Variants in TTC7A observed in about 807,000 individuals in gnomAD.
The protein encoded by TTC7A is tetratricopeptide repeat protein 7A.
In TTC7A, 110 loss-of-function variants were observed where a neutral mutation model predicts 103.7. The ratio of observed to expected loss-of-function variants is 1.06; its 90% CI spans 0.91 to 1.24. The LOEUF is 1.24. TTC7A is among the 50% of genes most tolerant of loss of function. TTC7A has a pLI of 0.00. For missense variants in TTC7A, 1,340 were observed against 1,116.3 expected (o/e 1.20, Z -2.86); for synonymous variants, 521 against 467.9 (o/e 1.11, Z -1.47).
intron 18 of TTC7A, among the ~76,000 whole-genome samples, chr2:47,053,543 T>TTTGTTTGTTTGTTTGGTTGG (rs66907808): frequency 7.1e-6 from 1 of 140,136 alleles, no homozygotes; most frequent in Non-Finnish European, 1.5e-5. Flanking sequence ...TGTTTGTTTG[T>TTTGTTTGTTTGTTTGGTTGG]TTGGTTGGTT....
At chr2:47,003,658 G>T (rs745407951) in intron 8 of TTC7A, among the ~76,000 whole-genome samples, 144 of 152,318 alleles carry the variant, frequency 9.5e-4, no homozygotes, top group Non-Finnish European at 7.1e-4. Flanking sequence ...CCTGCAGACT[G>T]CCTGGCTCCA....
At chr2:47,028,523 C>G (rs1002859796) in intron 14 of TTC7A, among the ~76,000 whole-genome samples, 2 of 152,148 alleles carry the variant, frequency 1.3e-5, no homozygotes, top group Non-Finnish European at 2.9e-5. Flanking sequence ...AGAAGGGAGG[C>G]AGCAAACTCA....
intron 3 of TTC7A, among the ~76,000 whole-genome samples, chr2:46,960,606 A>C (rs932832463): frequency 2.0e-5 from 3 of 152,340 alleles, no homozygotes; most frequent in Admixed American, 1.3e-4. Context: ...ATGTACACGC[A>C]CATTACCGTT....
At chr2:46,922,060 G>T (rs1572634569) in intron 2 of TTC7A, among the ~76,000 whole-genome samples, 1 of 152,298 alleles carries the variant, frequency 6.6e-6, no homozygotes, top group East Asian at 1.9e-4. Flanking sequence ...TTTTATATTT[G>T]AGTGGAGGAA....
At chr2:46,925,091 T>C (rs190033927) in intron 2 of TTC7A, among the ~76,000 whole-genome samples, 115 of 152,370 alleles carry the variant, frequency 7.5e-4, no homozygotes, top group African/African-American at 2.6e-3. Context: ...ACAGATCTGT[T>C]TGTTGCACTG....
Position 47,021,868 on chromosome 2 carries a change from G to A in TTC7A, c.1399G>A (p.Glu467Lys), listed in dbSNP as rs1454172541. ...VCIGSLRWLE[E>K]AEHFAMMVIS... Reference sequence around the variant, plus strand: ...CTGTCTCTCCTCTTTGCAGCTAGAGGAAGCAGAGCACTTTGCCATGATGGT... The same window carrying A: ...CTGTCTCTCCTCTTTGCAGCTAGAGAAAGCAGAGCACTTTGCCATGATGGT... The change falls in exon 12 of 20, where the codon GAA becomes AAA. Residue 467 changes from glutamate to lysine, a missense_variant. Transcript: ENST00000319190. The A allele has an allele frequency of 6.2e-7, 1 of 1,614,096 alleles. No individual in the cohort carries two copies. The highest frequency in any genetic ancestry group is 8.5e-7 in the Non-Finnish European group (1 of 1,179,920).
chr2:46,954,450 A>AT, intron 2 of TTC7A, among the ~76,000 whole-genome samples: 1 of 152,298 alleles, frequency 6.6e-6, no homozygotes, highest in African/African-American at 2.4e-5. Flanking sequence ...AAGTAAGGAC[A>AT]TTAAGAAGCA....
chr2:47,049,353 C>T (rs937953226), intron 16 of TTC7A, among the ~76,000 whole-genome samples: 9 of 152,030 alleles, frequency 5.9e-5, no homozygotes, highest in African/African-American at 2.2e-4. Flanking sequence ...AACCCCTCCC[C>T]CCCGCCAGCA....
At chr2:46,956,107 C>T (rs1185488187) in intron 2 of TTC7A, among the ~76,000 whole-genome samples, 1 of 152,226 alleles carries the variant, frequency 6.6e-6, no homozygotes, top group Non-Finnish European at 1.5e-5. Context: ...GTGATCATGG[C>T]TGACAAGACC....
chr2:46,945,043 T>C (rs1314779497), intron 1 of TTC7A, among the ~76,000 whole-genome samples: 1 of 152,236 alleles, frequency 6.6e-6, no homozygotes, highest in African/African-American at 2.4e-5. Flanking sequence ...CAAAAAAATT[T>C]GCAGTGAACA....
chr2:47,026,094 G>A (rs1052759755), intron 14 of TTC7A, among the ~76,000 whole-genome samples: 1 of 152,204 alleles, frequency 6.6e-6, no homozygotes, highest in African/African-American at 2.4e-5. Flanking sequence ...AGTTTCCTTG[G>A]AGACCTCATT....
At chr2:46,974,214 T>C (rs904442011) in intron 3 of TTC7A, among the ~76,000 whole-genome samples, 11 of 152,356 alleles carry the variant, frequency 7.2e-5, no homozygotes, top group South Asian at 2.1e-4. Flanking sequence ...GGCTCCTGCC[T>C]TTAAAGATAA....
At chr2:46,984,413 G>A (rs368160080) in intron 5 of TTC7A, among the ~76,000 whole-genome samples, 1 of 152,226 alleles carries the variant, frequency 6.6e-6, no homozygotes, top group African/African-American at 2.4e-5. Flanking sequence ...TGCCCCTCTA[G>A]TTGGCTTTCT....
intron 5 of TTC7A, among the ~76,000 whole-genome samples, chr2:46,985,535 C>A (rs1408656846): frequency 6.6e-6 from 1 of 152,174 alleles, no homozygotes; most frequent in South Asian, 2.1e-4. Context: ...AACTTCATGC[C>A]AGGTAGAATG....
chr2:47,045,032 G>A (rs556666444), intron 15 of TTC7A, among the ~76,000 whole-genome samples: 1 of 152,338 alleles, frequency 6.6e-6, no homozygotes, highest in East Asian at 1.9e-4. Flanking sequence ...CTACCCTCAG[G>A]TGGGCTGGTA....
chr2:46,918,175 C>T (rs1422351835), intron 2 of TTC7A, among the ~76,000 whole-genome samples: 6 of 152,152 alleles, frequency 3.9e-5, no homozygotes, highest in Non-Finnish European at 8.8e-5. Context: ...TTGATTTTCA[C>T]CCCCAAACCT....
intron 2 of TTC7A, among the ~76,000 whole-genome samples, chr2:46,936,218 G>A (rs567488722): frequency 1.3e-5 from 2 of 152,200 alleles, no homozygotes; most frequent in Admixed American, 6.5e-5. Context: ...TTTCCCCCTT[G>A]TGGATATCTG....
chr2:46,955,867 T>A (rs1473401665), intron 2 of TTC7A, among the ~76,000 whole-genome samples: 2 of 152,176 alleles, frequency 1.3e-5, no homozygotes, highest in South Asian at 4.1e-4. Context: ...ATGGACAGAT[T>A]GGTGCCTGTG....
chr2:46,919,096 C>T (rs778819397), intron 2 of TTC7A, among the ~76,000 whole-genome samples: 1 of 152,140 alleles, frequency 6.6e-6, no homozygotes, highest in Non-Finnish European at 1.5e-5. Flanking sequence ...CAATGTTTTA[C>T]CTATGTAGGG....
Sources: gnomAD v4.1 joint callset for allele counts (sites outside exome capture counted in the v4.1 genomes callset) on GRCh38, gnomAD v4.1.1 for gene constraint, MANE v1.5 for transcripts, NCBI Gene and HGNC (gene_info 2026-07-23, HGNC 2026-07-21) for gene names.